The following RANBP2 variants were observed in gnomAD, a reference collection of about 807,000 sequenced individuals.
RANBP2 encodes E3 SUMO-protein ligase RanBP2.
In RANBP2, 57 loss-of-function variants were observed where a neutral mutation model predicts 303.6. That is an observed-to-expected ratio of 0.19 (90% CI 0.15 to 0.23). The LOEUF is 0.23. Among genes scored for constraint, RANBP2 ranks in the 10% least tolerant of loss-of-function variants. The probability of loss-of-function intolerance (pLI) is 1.00; values close to 1 mark genes in which losing one functional copy is unlikely to be tolerated. For synonymous variants in RANBP2, 1,167 were observed against 1,301.5 expected, an observed-to-expected ratio of 0.90 and a Z score of 2.23; for missense variants, 3,138 against 3,780.8, an observed-to-expected ratio of 0.83 and a Z score of 4.46.
At chr2:109,323,290 G>A in the RANBP2 span, among the ~76,000 whole-genome samples, 1 of 152,156 alleles carries the variant, frequency 6.6e-6, no homozygotes, top group East Asian at 1.9e-4. Context: ...CTGGCACAGG[G>A]GCAAGTGTCT....
chr2:109,675,424 G>A, the RANBP2 span, among the ~76,000 whole-genome samples: 1 of 152,194 alleles, frequency 6.6e-6, no homozygotes, highest in African/African-American at 2.4e-5. Flanking sequence ...GCTCATGCTT[G>A]TAATCCCAGC....
chr2:109,257,301 T>G, the RANBP2 span, among the ~76,000 whole-genome samples: 1 of 147,824 alleles, frequency 6.8e-6, no homozygotes, highest in Non-Finnish European at 1.5e-5. Context: ...TTAAGTGATG[T>G]GGGCTTAAGG....
At chr2:109,306,065 T>C in the RANBP2 span, among the ~76,000 whole-genome samples, 1 of 152,160 alleles carries the variant, frequency 6.6e-6, no homozygotes, top group East Asian at 1.9e-4. Flanking sequence ...GCAGCGACAG[T>C]GGGATGTGCT....
intron 2 of RANBP2, among the ~76,000 whole-genome samples, chr2:108,729,534 T>C (rs1695000225): frequency 6.6e-6 from 1 of 152,208 alleles, no homozygotes; most frequent in East Asian, 1.9e-4. Flanking sequence ...CTTAATCAGA[T>C]GGAAAATAGC....
chr2:109,449,227 G>A, the RANBP2 span: 120 of 1,613,302 alleles, frequency 7.4e-5, no homozygotes, highest in African/African-American at 7.6e-4. Context: ...TCACCCCTGC[G>A]CACCCAGAAC....
the RANBP2 span, among the ~76,000 whole-genome samples, chr2:109,406,290 G>T: frequency 3.3e-4 from 51 of 152,262 alleles, no homozygotes; most frequent in Non-Finnish European, 6.5e-4. Context: ...GAGGTTACTG[G>T]ATCAAATCGG....
the RANBP2 span, chr2:109,585,311 T>G: frequency 6.2e-6 from 10 of 1,600,008 alleles, no homozygotes; most frequent in Non-Finnish European, 8.5e-6. Context: ...ATTTTCCAAT[T>G]CCAGTTTCCC....
At chr2:109,347,133 T>A in the RANBP2 span, among the ~76,000 whole-genome samples, 1 of 152,180 alleles carries the variant, frequency 6.6e-6, no homozygotes, top group Non-Finnish European at 1.5e-5. Context: ...CTGTGACTAT[T>A]CAGTAGATGA....
At chr2:109,183,392 TG>T in the RANBP2 span, among the ~76,000 whole-genome samples, 2 of 152,220 alleles carry the variant, frequency 1.3e-5, no homozygotes, top group South Asian at 4.1e-4. Flanking sequence ...CCCTTGCTGC[TG>T]GGTGATTTTG....
the RANBP2 span, among the ~76,000 whole-genome samples, chr2:108,960,798 G>A: frequency 2.0e-5 from 3 of 152,070 alleles, no homozygotes; most frequent in South Asian, 4.1e-4. Context: ...CGTATATTGA[G>A]TTTTGTATCC....
At chr2:109,410,742 C>T in the RANBP2 span, among the ~76,000 whole-genome samples, 4 of 152,338 alleles carry the variant, frequency 2.6e-5, no homozygotes, top group East Asian at 1.9e-4. Context: ...TTAAAAAGAC[C>T]GTGGTGCAAA....
chr2:109,696,252 CA>C, the RANBP2 span, among the ~76,000 whole-genome samples: 1 of 152,206 alleles, frequency 6.6e-6, no homozygotes. Context: ...CATGAGCCAC[CA>C]TGCCCAACCA....
At chr2:108,823,234 C>A in the RANBP2 span, among the ~76,000 whole-genome samples, 1 of 152,310 alleles carries the variant, frequency 6.6e-6, no homozygotes, top group South Asian at 2.1e-4. Context: ...AACACCCATC[C>A]TCCTCATATT....
At chr2:109,303,726 G>T in the RANBP2 span, among the ~76,000 whole-genome samples, 1 of 152,152 alleles carries the variant, frequency 6.6e-6, no homozygotes, top group Non-Finnish European at 1.5e-5. Context: ...GTTGAGGCCT[G>T]GTTGGCATAT....
chr2:109,222,936 C>CA, the RANBP2 span, among the ~76,000 whole-genome samples: 3 of 152,230 alleles, frequency 2.0e-5, no homozygotes, highest in Non-Finnish European at 2.9e-5. Flanking sequence ...GATGGACCTG[C>CA]CCCTGCCTGG....
chr2:109,003,076 C>T, the RANBP2 span, among the ~76,000 whole-genome samples: 6 of 151,860 alleles, frequency 4.0e-5, no homozygotes, highest in Non-Finnish European at 7.4e-5. Context: ...CATGGTGATG[C>T]TTGCCTGTAG....
the RANBP2 span, among the ~76,000 whole-genome samples, chr2:108,862,645 T>C: frequency 2.0e-5 from 3 of 152,244 alleles, no homozygotes; most frequent in Non-Finnish European, 4.4e-5. Context: ...TACATGATAT[T>C]GAAATATATT....
the RANBP2 span, among the ~76,000 whole-genome samples, chr2:109,171,187 A>G: frequency 1.3e-5 from 2 of 152,142 alleles, no homozygotes; most frequent in Admixed American, 6.5e-5. Flanking sequence ...TGGTTTATTT[A>G]TGTATATAAA....
the RANBP2 span, among the ~76,000 whole-genome samples, chr2:109,250,293 A>G: frequency 6.6e-6 from 1 of 151,998 alleles, no homozygotes; most frequent in African/African-American, 2.4e-5. Context: ...CATCTCGCCC[A>G]TTGCTGGTTG....
Sources: gnomAD v4.1 joint callset for allele counts (sites outside exome capture counted in the v4.1 genomes callset) on GRCh38, gnomAD v4.1.1 for gene constraint, MANE v1.5 for transcripts, NCBI Gene and HGNC (gene_info 2026-07-23, HGNC 2026-07-21) for gene names.